The following AFDN variants were observed in gnomAD, a reference collection of about 807,000 sequenced individuals.
The protein encoded by AFDN is afadin, adherens junction formation factor, also known as afadin.
A neutral mutation model predicts 216.6 loss-of-function variants in AFDN; 68 were observed. That is an observed-to-expected ratio of 0.31 (90% CI 0.26 to 0.38). The LOEUF (loss-of-function observed/expected upper bound fraction) is 0.38. AFDN is among the 10% of genes least tolerant of loss of function. AFDN has a pLI of 1.00. For missense variants in AFDN, 2,136 were observed against 2,342.0 expected, an observed-to-expected ratio of 0.91 and a Z score of 1.82; for synonymous variants, 868 against 853.7, an observed-to-expected ratio of 1.02 and a Z score of -0.29.
intron 27 of AFDN, 24 bp downstream of exon 27, chr6:167,946,925 C>G (rs756023468): frequency 1.3e-6 from 2 of 1,590,984 alleles, no homozygotes; most frequent in South Asian, 2.3e-5. Context: ...TTTTTTGCTT[C>G]CTAAGTACAC....
rs1008722948 is a variant in AFDN at position 167,962,336 on chromosome 6, G to C, written c.4834-97G>C. ...TATATTTAACTTTCTGTGTGTGTGTGTTTGTGTATATGTGTGTCTACTTGT... is the reference window on the plus strand; with the variant it reads ...TATATTTAACTTTCTGTGTGTGTGTCTTTGTGTATATGTGTGTCTACTTGT... On this transcript the variant is annotated intron_variant, in intron 30 of 33. Coordinates refer to ENST00000683244, the MANE Select transcript of AFDN (RefSeq NM_001386888.1). The surrounding 1 kb of genome is among the most constrained non-coding windows in gnomAD (Gnocchi z 5.2). 7.4e-6 allele frequency: 11 copies of C among 1,488,032 alleles called. No individual in the cohort carries two copies. Among genetic ancestry groups the C allele is most frequent in the Admixed American group, 2.0e-5 (1 of 50,678 alleles). The allele number at this position is 1,488,032 out of a possible 1,614,324, so 92.2% of individuals were successfully genotyped here. A position where few individuals can be genotyped will look rare whatever the true frequency, so the allele number is the denominator to read the frequency against.
intron 1 of AFDN, among the ~76,000 whole-genome samples, chr6:167,849,093 T>C (rs1782011220): frequency 6.6e-6 from 1 of 152,206 alleles, no homozygotes. Flanking sequence ...AGGCCCCGTT[T>C]CTTCATCTGT....
At chr6:167,952,783 C>CA in intron 30 of AFDN, among the ~76,000 whole-genome samples, 1 of 152,106 alleles carries the variant, frequency 6.6e-6, no homozygotes, top group Non-Finnish European at 1.5e-5. Context: ...CAGTCATTAC[C>CA]AAAAATAGAA....
At position 167,943,436 on chromosome 6, in the gene AFDN, G is replaced by A. The variant is rs767496811; in HGVS notation, c.3200G>A (p.Ser1067Asn). 7.4e-6 allele frequency: 12 copies of A among 1,614,218 alleles called. No individual in the cohort carries two copies. Among genetic ancestry groups the A allele is most frequent in the Non-Finnish European group, 9.3e-6 (11 of 1,180,034 alleles). ...CTAGCTGCAGGTGATCAGCTCCTCA[G>A]TGTGGATGGACGAAGTCTGGTTGGA... is the stretch of plus-strand genomic sequence containing the variant. ...GRLAAGDQLLSVDGRSLVGLS... is the reference protein window; with the variant it reads ...GRLAAGDQLLNVDGRSLVGLS... The change falls in exon 25 of 34, where the codon AGT (serine) becomes AAT (asparagine). Residue 1067 changes from serine (S) to asparagine (N), a missense_variant. Physicochemically the swap from Ser to Asn is conservative, Grantham distance 46. This residue lies in a region of AFDN where 74 missense variants were observed against 98.8 expected (regional missense o/e 0.75). Coordinates refer to ENST00000683244, the MANE Select transcript of AFDN (RefSeq NM_001386888.1).
intron 1 of AFDN, among the ~76,000 whole-genome samples, chr6:167,844,927 A>G (rs34868291): frequency 0.55 from 81,053 of 146,650 alleles, 22,771 homozygotes; most frequent in African/African-American, 0.64. Flanking sequence ...TGGCGCGATC[A>G]TAGCTCACTG....
intron 5 of AFDN, among the ~76,000 whole-genome samples, chr6:167,878,574 G>A (rs1410239029): frequency 2.7e-5 from 4 of 147,252 alleles, no homozygotes; most frequent in East Asian, 2.0e-4. Flanking sequence ...ATGCACGCAC[G>A]CACACACACC....
At chr6:167,868,786 A>AAAGT (rs2128241300) in intron 2 of AFDN, among the ~76,000 whole-genome samples, 1 of 135,892 alleles carries the variant, frequency 7.4e-6, no homozygotes, top group Admixed American at 7.8e-5. Context: ...TTTTTGAGAC[A>AAAGT]GGGTCTCACT....
Position 167,951,702 on chromosome 6 carries a change from C to G in AFDN, c.4348C>G (p.Gln1450Glu). 2 of 1,614,034 alleles carry G rather than the reference C, an allele frequency of 1.2e-6. No homozygotes were observed. The highest frequency in any genetic ancestry group is 2.2e-5 in the South Asian group (2 of 91,054). Residue 1450 changes from glutamine to glutamate, a missense_variant, in exon 30 of 34, where the codon CAG becomes GAG. By Grantham distance (29) the Gln-to-Glu change is conservative. Coordinates refer to ENST00000683244, the MANE Select transcript of AFDN (RefSeq NM_001386888.1). The surrounding 1 kb of genome is among the most constrained non-coding windows in gnomAD (Gnocchi z 7.1). The stretch of plus-strand genomic sequence containing the variant: ...GAGAGAGCAGGAGAGGAAGTTGGGC[C>G]AGATGCGCACTCAGTCCTTAAACCC... The part of the protein sequence containing the change: ...KRREQERKLG[Q>E]MRTQSLNPAP...
chr6:167,896,068 G>GAT (rs1389639604), intron 9 of AFDN, among the ~76,000 whole-genome samples: 1 of 152,120 alleles, frequency 6.6e-6, no homozygotes, highest in Non-Finnish European at 1.5e-5. Context: ...CCTCATCTGG[G>GAT]ATACAGTAGG....
intron 11 of AFDN, among the ~76,000 whole-genome samples, chr6:167,900,250 G>T (rs1034111748): frequency 9.2e-5 from 14 of 152,254 alleles, no homozygotes; most frequent in African/African-American, 3.4e-4. Flanking sequence ...ACAGATTCTG[G>T]CTAGATAACT....
rs751623810 is a variant in AFDN at position 167,863,799 on chromosome 6, G to T, written c.106-752G>T. On this transcript the variant is annotated intron_variant, in intron 1 of 33. Transcript: ENST00000683244. ...GGAATACCAATGTGCTTTTTCTCTA[G>T]AGGTAAGATTTTGAGACAAATCTAA... 5 of 518,772 alleles carry T rather than the reference G, an allele frequency of 9.6e-6. No individual in the cohort carries two copies. The Admixed American group carries it at 9.7e-5, about 10-fold the overall frequency. 32.1% of individuals were successfully genotyped at this position (518,772 alleles called of 1,614,324 possible). A position where few individuals can be genotyped will look rare whatever the true frequency, so the allele number is the denominator to read the frequency against.
Position 167,911,414 on chromosome 6 carries a change from C to T in AFDN, c.1962C>T (p.Ile654=). ...YVLSNQYRPD[I]SPTERTHKVI... is the part of the protein sequence containing the mutation. ...TGTCCAACCAGTACAGACCTGACAT[C>T]AGCCCTACAGAGCGCACACATAAAG... Residue 654 remains isoleucine, a synonymous_variant, in exon 15 of 34, where the codon ATC becomes ATT. Coordinates refer to ENST00000683244, the MANE Select transcript of AFDN (RefSeq NM_001386888.1). 6.2e-7 allele frequency: 1 copy of T among 1,614,126 alleles called. No homozygotes were observed. Among genetic ancestry groups the T allele is most frequent in the South Asian group, 1.1e-5 (1 of 91,076 alleles).
chr6:167,890,726 T>G (rs1367227269), intron 7 of AFDN, 136 bp from the exon 8 acceptor site: 2 of 755,790 alleles, frequency 2.6e-6, no homozygotes, highest in Non-Finnish European at 4.3e-6. Flanking sequence ...GGGTAAGCTG[T>G]ACACAGTGAT....
At position 167,842,363 on chromosome 6, in the gene AFDN, A is replaced by G. The variant is rs769528386; in HGVS notation, c.105+15126A>G. Among the ~76,000 whole-genome samples, 60 of 151,570 alleles carry G rather than the reference A, an allele frequency of 4.0e-4. 1 individual carries two copies. Among genetic ancestry groups the G allele is most frequent in the Non-Finnish European group, 6.2e-4 (42 of 67,936 alleles). On this transcript the variant is annotated intron_variant, in intron 1 of 33. Transcript: ENST00000683244. ...AGGACAGTGTGTATTGTAATGCTGG[A>G]TTCTTGATGTTCTTCTACTCATTCT...
chr6:167,887,302 G>A (rs1295608411), intron 6 of AFDN, among the ~76,000 whole-genome samples: 3 of 149,108 alleles, frequency 2.0e-5, no homozygotes, highest in African/African-American at 5.2e-5. Flanking sequence ...GAAGTCATTT[G>A]ATAATTTCCA....
At chr6:167,914,434 A>T in intron 17 of AFDN, 121 bp downstream of exon 17, 1 of 1,334,658 alleles carries the variant, frequency 7.5e-7, no homozygotes, top group Non-Finnish European at 1.0e-6. Flanking sequence ...GAATATAAAG[A>T]AGCATACATT....
intron 1 of AFDN, among the ~76,000 whole-genome samples, chr6:167,853,308 A>C (rs142539273): frequency 1.3e-5 from 2 of 152,084 alleles, no homozygotes; most frequent in African/African-American, 4.8e-5. Context: ...AGTTATTATT[A>C]CAACATATTG....
At chr6:167,963,242 G>T in intron 31 of AFDN, 1 of 1,063,874 alleles carries the variant, frequency 9.4e-7, no homozygotes, top group Non-Finnish European at 1.1e-6. Context: ...TGTCCTGTGT[G>T]TGTGGCCGAC....
intron 23 of AFDN, among the ~76,000 whole-genome samples, chr6:167,942,671 T>G (rs993347753): frequency 6.6e-6 from 1 of 152,222 alleles, no homozygotes; most frequent in Non-Finnish European, 1.5e-5. Flanking sequence ...CTGATTATTT[T>G]CTGTATGATT....
Sources: allele counts gnomAD v4.1 joint callset (sites outside exome capture counted in the v4.1 genomes callset), GRCh38; gene constraint gnomAD v4.1.1; regional missense constraint gnomAD v4.1.1; non-coding constraint Gnocchi (gnomAD v3.1); transcripts MANE v1.5; gene names NCBI Gene and HGNC (gene_info 2026-07-23, HGNC 2026-07-21).